STK38L: variants seen among roughly 807,000 people sequenced by gnomAD.
STK38L encodes the protein serine/threonine kinase 38 like.
In STK38L, 28 loss-of-function variants were observed where a neutral mutation model predicts 59.7. The observed-to-expected ratio is 0.47, with a 90% CI of 0.35 to 0.64. STK38L has a LOEUF of 0.64. Ranked by LOEUF, STK38L falls within the 30% of genes least tolerant of loss-of-function variation. The pLI is 0.01. For synonymous variants in STK38L, 162 were observed against 176.8 expected (o/e 0.92, Z 0.66); for missense variants, 314 against 555.8 (o/e 0.56, Z 4.37).
chr12:27,256,752 G>T (rs144401650), intron 1 of STK38L, among the ~76,000 whole-genome samples: 1 of 152,194 alleles, frequency 6.6e-6, no homozygotes, highest in African/African-American at 2.4e-5. Flanking sequence ...ATAATTTTAT[G>T]TCACTGCAAG....
intron 5 of STK38L, among the ~76,000 whole-genome samples, chr12:27,311,652 A>C (rs757418722): frequency 2.8e-4 from 43 of 152,192 alleles, no homozygotes; most frequent in Non-Finnish European, 4.7e-4. Context: ...TGTCCGAGAA[A>C]TCAGTGGCAA....
At chr12:27,249,971 A>G (rs1399231623) in intron 1 of STK38L, among the ~76,000 whole-genome samples, 1 of 152,166 alleles carries the variant, frequency 6.6e-6, no homozygotes, top group Non-Finnish European at 1.5e-5. Context: ...AATAGGGTGG[A>G]GTTAATAATG....
intron 1 of STK38L, among the ~76,000 whole-genome samples, chr12:27,285,138 C>G (rs1053749468): frequency 6.6e-6 from 1 of 152,150 alleles, no homozygotes; most frequent in Admixed American, 6.6e-5. Context: ...TTTGTACCCC[C>G]AAAGGACTGC....
chr12:27,308,275 C>T lies in STK38L; in HGVS notation c.187-64C>T. 2 of 1,390,212 alleles carry T rather than the reference C, an allele frequency of 1.4e-6. No homozygotes were observed. Among genetic ancestry groups the T allele is most frequent in the Non-Finnish European group, 1.9e-6 (2 of 1,048,648 alleles). The allele number at this position is 1,390,212 out of a possible 1,614,324, so 86.1% of individuals were successfully genotyped here. On this transcript the variant is annotated intron_variant, in intron 3 of 13. Coordinates refer to ENST00000389032, the MANE Select transcript of STK38L (RefSeq NM_015000.4). The surrounding 1 kb of genome is among the most constrained non-coding windows in gnomAD (Gnocchi z 4.5). ...TTTTTACGTGTATCATCTTTTAATA[C>T]TAGAAGCTCCATCAAAACAACCTAA...
intron 1 of STK38L, among the ~76,000 whole-genome samples, chr12:27,271,557 G>C (rs1179192647): frequency 1.3e-5 from 2 of 152,186 alleles, no homozygotes; most frequent in African/African-American, 4.8e-5. Flanking sequence ...GTAGAGAATG[G>C]TTTTAAATAT....
rs1944375019 is a variant in STK38L, at chr12:27,308,671, T to C, written c.309+210T>C. Among the ~76,000 whole-genome samples the C allele has an allele frequency of 6.6e-6, 1 of 151,486 alleles. No individual in the cohort carries two copies. The highest frequency in any genetic ancestry group is 2.4e-5 in the African/African-American group (1 of 41,222). ...CCCGTCTCTATAAAAATACAAAAAT[T>C]AGCTGGGCGTGGTGGTGGGCACCTG... On this transcript the variant is annotated intron_variant, in intron 4 of 13. Coordinates refer to ENST00000389032, the MANE Select transcript of STK38L (RefSeq NM_015000.4). This position sits in a 1 kb window ranked among gnomAD's most constrained non-coding sequence, Gnocchi z 4.5.
At chr12:27,307,240 G>A (rs1455481752) in intron 3 of STK38L, among the ~76,000 whole-genome samples, 1 of 152,068 alleles carries the variant, frequency 6.6e-6, no homozygotes, top group Non-Finnish European at 1.5e-5. Context: ...CACCATTGGT[G>A]TGCCTTAGTG....
chr12:27,258,548 C>T (rs777054345), intron 1 of STK38L, among the ~76,000 whole-genome samples: 2 of 152,184 alleles, frequency 1.3e-5, no homozygotes, highest in Admixed American at 6.5e-5. Context: ...AGGCTGGTCT[C>T]GAACTCCTGA....
intron 1 of STK38L, among the ~76,000 whole-genome samples, chr12:27,278,391 T>C (rs1943581987): frequency 6.6e-6 from 1 of 152,214 alleles, no homozygotes; most frequent in Non-Finnish European, 1.5e-5. Context: ...ATCAGAAAGG[T>C]CCACCCAGGC....
chr12:27,325,135 C>T lies in STK38L; in HGVS notation c.*2680C>T, dbSNP rs1005147730. The stretch of plus-strand genomic sequence containing the variant: ...TTTTATGCATTTATTACTAACATAG[C>T]TTTAAATCTTTAAATGTATTGAAGC... On this transcript the variant is annotated 3_prime_UTR_variant, in exon 14 of 14. Coordinates refer to ENST00000389032, the MANE Select transcript of STK38L (RefSeq NM_015000.4). The T allele has an allele frequency of 6.6e-6, 1 of 152,014 alleles. No individual in the cohort carries two copies. Among genetic ancestry groups the T allele is most frequent in the African/African-American group, 2.4e-5 (1 of 41,418 alleles). The allele number at this position is 152,014 out of a possible 1,614,324, so 9.4% of individuals were successfully genotyped here.
At chr12:27,300,597 T>C (rs1485309445) in intron 2 of STK38L, 1 of 455,910 alleles carries the variant, frequency 2.2e-6, no homozygotes, top group Non-Finnish European at 4.4e-6. Flanking sequence ...CTGAAGTGCC[T>C]AGGGGTAGGT....
chr12:27,303,622 TGA>T (rs1247832685), intron 3 of STK38L, among the ~76,000 whole-genome samples: 1 of 151,774 alleles, frequency 6.6e-6, no homozygotes, highest in Non-Finnish European at 1.5e-5. Context: ...GGAGAGTGAG[TGA>T]GTGTGTGTGT....
chr12:27,300,611 G>A, intron 2 of STK38L: 1 of 456,044 alleles, frequency 2.2e-6, no homozygotes, highest in South Asian at 1.5e-5. Flanking sequence ...GGTAGGTGAT[G>A]GCAGCACAGA....
intron 1 of STK38L, among the ~76,000 whole-genome samples, chr12:27,284,828 T>C (rs1943735556): frequency 6.6e-6 from 1 of 152,214 alleles, no homozygotes; most frequent in African/African-American, 2.4e-5. Context: ...CACATAAAAA[T>C]TTCCTTCCTG....
chr12:27,269,063 G>A (rs539714812), intron 1 of STK38L, among the ~76,000 whole-genome samples: 256 of 152,276 alleles, frequency 1.7e-3, no homozygotes, highest in African/African-American at 5.5e-3. Context: ...TTCCCATTCT[G>A]TAGGTTGCCT....
chr12:27,317,447 C>G lies in STK38L; in HGVS notation c.949C>G (p.Leu317Val), dbSNP rs1272087052. 6.3e-7 allele frequency: 1 copy of G among 1,597,136 alleles called. No homozygotes were observed. Among genetic ancestry groups the G allele is most frequent in the Non-Finnish European group, 8.6e-7 (1 of 1,169,558 alleles). Residue 317 changes from leucine to valine, a missense_variant, in exon 10 of 14, where the codon CTA becomes GTA. Physicochemically the swap from Leu to Val is conservative, Grantham distance 32. Coordinates refer to ENST00000389032, the MANE Select transcript of STK38L (RefSeq NM_015000.4). ...WSLGVIMYEM[L>V]IGYPPFCSET... Reference sequence around the variant, plus strand: ...TTTGGGAGTGATTATGTATGAAATGCTAATAGGTATGTTTTATCATTCATT... The same window carrying G: ...TTTGGGAGTGATTATGTATGAAATGGTAATAGGTATGTTTTATCATTCATT...
rs564270987 is a variant in STK38L at position 27,325,678 on chromosome 12, C to T, written c.*3223C>T. The T allele has an allele frequency of 8.6e-5, 13 of 152,016 alleles. No homozygotes were observed. The highest frequency in any genetic ancestry group is 2.4e-4 in the African/African-American group (10 of 41,462). The allele number at this position is 152,016 out of a possible 1,614,324, so 9.4% of individuals were successfully genotyped here. On this transcript the variant is annotated 3_prime_UTR_variant, in exon 14 of 14. Transcript: ENST00000389032. Reference sequence around the variant, plus strand: ...TTCTGAAAAATCTTAATGAAACAAACGCTTAGAACAAATATAAATATGAGA... The same window carrying T: ...TTCTGAAAAATCTTAATGAAACAAATGCTTAGAACAAATATAAATATGAGA...
chr12:27,305,277 T>C (rs552597601), intron 3 of STK38L, among the ~76,000 whole-genome samples: 3 of 152,384 alleles, frequency 2.0e-5, no homozygotes, highest in Admixed American at 2.0e-4. Context: ...TTGCAACTTC[T>C]GGTCTGCATC....
chr12:27,295,790 A>G (rs904233798), intron 1 of STK38L, among the ~76,000 whole-genome samples: 1 of 152,222 alleles, frequency 6.6e-6, no homozygotes, highest in Non-Finnish European at 1.5e-5. Context: ...TCTTCTGCAG[A>G]GCATGTTAGA....
Sources: gnomAD v4.1 joint callset for allele counts (sites outside exome capture counted in the v4.1 genomes callset) on GRCh38, gnomAD v4.1.1 for gene constraint, Gnocchi (gnomAD v3.1) non-coding constraint, MANE v1.5 for transcripts, NCBI Gene and HGNC (gene_info 2026-07-23, HGNC 2026-07-21) for gene names.